The following DNM1L variants were observed in gnomAD, a reference collection of about 807,000 sequenced individuals.
The protein encoded by DNM1L is dynamin-1-like protein.
A neutral mutation model predicts 92.8 loss-of-function variants in DNM1L; 33 were observed. The observed-to-expected ratio is 0.36, with a 90% CI of 0.27 to 0.48. The LOEUF is 0.48. Ranked by LOEUF, DNM1L falls within the 20% of genes least tolerant of loss-of-function variation. The pLI, the probability that DNM1L is intolerant of heterozygous loss-of-function variation, is 0.99. For missense variants in DNM1L, 485 were observed against 888.8 expected (o/e 0.55, Z 5.78); for synonymous variants, 284 against 305.0 (o/e 0.93, Z 0.72).
intron 4 of DNM1L, among the ~76,000 whole-genome samples, chr12:32,710,618 CAAAA>C (rs72384937): frequency 1.8e-4 from 16 of 88,938 alleles, no homozygotes; most frequent in East Asian, 8.1e-4. Flanking sequence ...GACCTTGTCT[CAAAA>C]AAAAAAAAAA....
At chr12:32,699,189 A>C (rs1952594973) in intron 1 of DNM1L, among the ~76,000 whole-genome samples, 1 of 152,202 alleles carries the variant, frequency 6.6e-6, no homozygotes, top group African/African-American at 2.4e-5. Context: ...TGTACATGTA[A>C]GGAGAGAGAG....
chr12:32,740,709 T>C (rs1955229666), intron 18 of DNM1L, among the ~76,000 whole-genome samples, 191 bp downstream of exon 18: 3 of 152,238 alleles, frequency 2.0e-5, no homozygotes, highest in Non-Finnish European at 4.4e-5. Flanking sequence ...ACCTCATGTA[T>C]CAGCTAGAAA....
intron 2 of DNM1L, among the ~76,000 whole-genome samples, chr12:32,703,535 C>T (rs1392408338): frequency 7.4e-6 from 1 of 134,704 alleles, no homozygotes; most frequent in African/African-American, 2.8e-5. Context: ...AGCAGATAAA[C>T]AATATAGTTA....
intron 12 of DNM1L, chr12:32,732,675 G>A (rs1183113041): frequency 2.3e-6 from 1 of 438,964 alleles, no homozygotes; most frequent in South Asian, 1.6e-5. Context: ...GTCTAAGACT[G>A]AATTTAGCCC....
chr12:32,745,141 C>G lies in DNM1L; in HGVS notation c.*1731C>G, dbSNP rs1955572499. On this transcript the variant is annotated 3_prime_UTR_variant, in exon 20 of 20. Coordinates refer to ENST00000549701, the MANE Select transcript of DNM1L (RefSeq NM_012062.5). ...GAATCTGTTACTAGTACCATCTTGACAGAGGATACATGCTCCCAAAACGTT... is the reference window on the plus strand; with the variant it reads ...GAATCTGTTACTAGTACCATCTTGAGAGAGGATACATGCTCCCAAAACGTT... The G allele has an allele frequency of 2.6e-6, 1 of 382,192 alleles. No individual in the cohort carries two copies. The highest frequency in any genetic ancestry group is 3.4e-5 in the Admixed American group (1 of 29,366). The allele number at this position is 382,192 out of a possible 1,614,324, so 23.7% of individuals were successfully genotyped here.
chr12:32,738,855 T>C (rs1955087504), intron 16 of DNM1L, among the ~76,000 whole-genome samples: 1 of 152,166 alleles, frequency 6.6e-6, no homozygotes, highest in Non-Finnish European at 1.5e-5. Context: ...GCCATTTAGC[T>C]CCTTTCCTTA....
intron 9 of DNM1L, among the ~76,000 whole-genome samples, chr12:32,730,526 A>G (rs1244278838): frequency 3.3e-5 from 5 of 152,248 alleles, no homozygotes; most frequent in African/African-American, 4.8e-5. Flanking sequence ...AACAAGCTAT[A>G]CTTATTTATT....
intron 1 of DNM1L, chr12:32,692,639 A>G (rs1044395413): frequency 2.7e-5 from 4 of 148,620 alleles, no homozygotes; most frequent in Admixed American, 6.7e-5. Context: ...AATTTCTCCA[A>G]TGTATAGTTT....
chr12:32,709,193 A>G (rs1953032987), intron 4 of DNM1L, among the ~76,000 whole-genome samples: 1 of 152,134 alleles, frequency 6.6e-6, no homozygotes, highest in African/African-American at 2.4e-5. Context: ...CTGTTGCCAT[A>G]CTTTCCTGAA....
chr12:32,681,637 A>G (rs1485892495), intron 1 of DNM1L, among the ~76,000 whole-genome samples: 1 of 135,490 alleles, frequency 7.4e-6, no homozygotes, highest in Non-Finnish European at 1.6e-5. Context: ...TTGGGGAAAC[A>G]AGAATCTCTT....
At chr12:32,742,981 C>T (rs1372765346) in intron 19 of DNM1L, among the ~76,000 whole-genome samples, 2 of 149,920 alleles carry the variant, frequency 1.3e-5, no homozygotes, top group African/African-American at 2.5e-5. Context: ...CTGCAAGCGC[C>T]GCCTCCCAGG....
In DNM1L at chr12:32,743,414, G is replaced by T; in HGVS notation, c.*4G>T. On this transcript the variant is annotated 3_prime_UTR_variant, in exon 20 of 20. Transcript: ENST00000549701. ...CCGGGAGACTCATCTTTGGTGAAGA[G>T]AACTATGTAATACTGAGACTTTGTT... The T allele has an allele frequency of 6.2e-7, 1 of 1,613,918 alleles. No individual in the cohort carries two copies.
At chr12:32,715,937 T>C (rs1327873766) in intron 6 of DNM1L, among the ~76,000 whole-genome samples, 2 of 152,174 alleles carry the variant, frequency 1.3e-5, no homozygotes, top group Non-Finnish European at 2.9e-5. Flanking sequence ...TATAAAAAAC[T>C]ATATGCAAAT....
At chr12:32,693,052 A>G (rs1043535246) in intron 1 of DNM1L, among the ~76,000 whole-genome samples, 2 of 152,228 alleles carry the variant, frequency 1.3e-5, no homozygotes, top group Non-Finnish European at 2.9e-5. Flanking sequence ...AATTTCTCTA[A>G]CGAATCAAGG....
chr12:32,717,189 CTA>C (rs1239863980), intron 6 of DNM1L, among the ~76,000 whole-genome samples: 39 of 109,488 alleles, frequency 3.6e-4, no homozygotes, highest in African/African-American at 1.3e-3. Context: ...ATAGTATATA[CTA>C]TATATATTTA....
rs1419594240 is a variant in DNM1L, at chr12:32,701,396, G to A, written c.103-19G>A. ...GTGTTAAGAAACTCATTTTGCTCTTGTATATATTCTGTTTTCAGAGCAGCG... is the reference window on the plus strand; with the variant it reads ...GTGTTAAGAAACTCATTTTGCTCTTATATATATTCTGTTTTCAGAGCAGCG... On this transcript the variant is annotated intron_variant, in intron 1 of 19. Coordinates refer to ENST00000549701, the MANE Select transcript of DNM1L (RefSeq NM_012062.5). 2 of 1,611,918 alleles carry A rather than the reference G, an allele frequency of 1.2e-6. No individual in the cohort carries two copies. The highest frequency in any genetic ancestry group is 1.7e-6 in the Non-Finnish European group (2 of 1,178,240).
Position 32,738,285 on chromosome 12 carries a change from G to A in DNM1L, c.1696G>A (p.Glu566Lys), listed in dbSNP as rs1396008534. Residue 566 changes from glutamate to lysine, a missense_variant, in exon 16 of 20, where the codon GAA (glutamate) becomes AAA (lysine). Glu to Lys is a moderately conservative substitution (Grantham distance 56). Coordinates refer to ENST00000549701, the MANE Select transcript of DNM1L (RefSeq NM_012062.5). ...DGKLIQDSRRETKNVASGGGG... is the reference protein window; with the variant it reads ...DGKLIQDSRRKTKNVASGGGG... ...ACAGTTAATTCAGGACAGCAGAAGA[G>A]AAACTAAAAATGTGAGTCTCTTGCT... 3 of 1,613,594 alleles carry A rather than the reference G, an allele frequency of 1.9e-6. No homozygotes were observed. Among genetic ancestry groups the A allele is most frequent in the Non-Finnish European group, 2.5e-6 (3 of 1,179,726 alleles).
chr12:32,726,141 C>T (rs1472200049), intron 9 of DNM1L, among the ~76,000 whole-genome samples: 1 of 151,820 alleles, frequency 6.6e-6, no homozygotes, highest in East Asian at 1.9e-4. Flanking sequence ...TCCAGAAGAA[C>T]CAAATTATGT....
Position 32,710,926 on chromosome 12 carries a change from T to C in DNM1L, c.370-3T>C. The C allele has an allele frequency of 1.2e-6, 2 of 1,605,524 alleles. No individual in the cohort carries two copies. Among genetic ancestry groups the C allele is most frequent in the East Asian group, 2.2e-5 (1 of 44,644 alleles). On this transcript the variant is annotated splice_polypyrimidine_tract_variant and splice_region_variant and intron_variant, in intron 4 of 19. Transcript: ENST00000549701. ...TTTAATATATTTTAAAATTTATTTT[T>C]AGGGAGTAAGCCCTGAACCAATTCA...
Sources: allele counts gnomAD v4.1 joint callset (sites outside exome capture counted in the v4.1 genomes callset), GRCh38; gene constraint gnomAD v4.1.1; transcripts MANE v1.5; gene names NCBI Gene and HGNC (gene_info 2026-07-23, HGNC 2026-07-21).